The following SYCP2L variants were observed in gnomAD, a reference collection of about 807,000 sequenced individuals.
The protein encoded by SYCP2L is synaptonemal complex protein 2 like.
SYCP2L carries 98 observed loss-of-function variants against 125.8 expected under a neutral mutation model. The observed-to-expected ratio is 0.78, with a 90% CI of 0.66 to 0.92. The LOEUF (loss-of-function observed/expected upper bound fraction) is 0.92, where lower values mean the gene tolerates loss of function less well. Among genes scored for constraint, SYCP2L ranks in the 40% least tolerant of loss-of-function variants. The pLI, the probability that SYCP2L is intolerant of heterozygous loss-of-function variation, is 0.00. For synonymous variants in SYCP2L, 317 were observed against 325.4 expected (o/e 0.97, Z 0.28); for missense variants, 842 against 936.4 (o/e 0.90, Z 1.32).
chr6:10,897,110 T>C (rs950119424), intron 4 of SYCP2L, among the ~76,000 whole-genome samples: 5 of 152,304 alleles, frequency 3.3e-5, no homozygotes, highest in East Asian at 3.9e-4. Flanking sequence ...TTTTGCTTTA[T>C]TGAGGAAATA....
intron 21 of SYCP2L, among the ~76,000 whole-genome samples, chr6:10,937,405 C>T (rs1781118797): frequency 6.6e-6 from 1 of 151,880 alleles, no homozygotes; most frequent in African/African-American, 2.4e-5. Context: ...AAAATGGAAA[C>T]ATACCAAAAT....
chr6:10,888,288 G>T (rs1561676861), intron 1 of SYCP2L, among the ~76,000 whole-genome samples: 1 of 151,594 alleles, frequency 6.6e-6, no homozygotes, highest in Non-Finnish European at 1.5e-5. Flanking sequence ...GTAGAGACGG[G>T]GTTTCACCAT....
chr6:10,936,946 G>C (rs561241144), intron 21 of SYCP2L, among the ~76,000 whole-genome samples: 1 of 152,188 alleles, frequency 6.6e-6, no homozygotes. Flanking sequence ...AATGTATAAA[G>C]CAAATATTAA....
chr6:10,894,318 GA>G, intron 4 of SYCP2L, 114 bp downstream of exon 4: 1 of 1,299,722 alleles, frequency 7.7e-7, no homozygotes, highest in Non-Finnish European at 1.1e-6. Context: ...AATTTGAAAA[GA>G]AATTGATATC....
intron 6 of SYCP2L, 140 bp downstream of exon 6, chr6:10,898,988 C>A: frequency 1.6e-6 from 1 of 609,228 alleles, no homozygotes; most frequent in Non-Finnish European, 3.0e-6. Flanking sequence ...TTATGGTCAT[C>A]ATAGTGTCAT....
At chr6:10,892,064 A>C (rs955052472) in intron 2 of SYCP2L, among the ~76,000 whole-genome samples, 1 of 152,196 alleles carries the variant, frequency 6.6e-6, no homozygotes, top group East Asian at 1.9e-4. Flanking sequence ...TGGAAGATCT[A>C]CCTGAAAAAG....
At chr6:10,910,474 G>A (rs891562724) in intron 11 of SYCP2L, among the ~76,000 whole-genome samples, 4 of 152,152 alleles carry the variant, frequency 2.6e-5, no homozygotes, top group Non-Finnish European at 4.4e-5. Context: ...AGAGTTCATA[G>A]ACTTTATGAA....
rs141978624 is a variant in SYCP2L, at chr6:10,973,280, C to T, written c.*38-672C>T. Among the ~76,000 whole-genome samples the T allele has an allele frequency of 7.8e-3, 1,186 of 152,226 alleles. 19 individuals are homozygous for T. Among genetic ancestry groups the T allele is most frequent in the African/African-American group, 0.027 (1,102 of 41,530 alleles). ...GGGCATGGTGGCTCACGCCTGTAATCCCAGCACTTTAGGAAGCCGAGGTGG... is the reference window on the plus strand; with the variant it reads ...GGGCATGGTGGCTCACGCCTGTAATTCCAGCACTTTAGGAAGCCGAGGTGG... On this transcript the variant is annotated intron_variant, in intron 29 of 29. Coordinates refer to ENST00000283141, the MANE Select transcript of SYCP2L (RefSeq NM_001040274.3).
chr6:10,923,380 C>CTT (rs1226992236), intron 14 of SYCP2L, among the ~76,000 whole-genome samples: 16,947 of 92,262 alleles, frequency 0.18, 2,074 homozygotes, highest in South Asian at 0.31. Context: ...GAAACACACA[C>CTT]TTTTTTTTTT....
At chr6:10,910,102 C>T (rs142029733) in intron 10 of SYCP2L, 46 bp from the exon 11 acceptor site, 15 of 1,529,234 alleles carry the variant, frequency 9.8e-6, no homozygotes, top group Non-Finnish European at 1.4e-5. Context: ...TTAACTAAGA[C>T]ATCTTGATTT....
At chr6:10,916,256 C>G (rs938860245) in intron 14 of SYCP2L, among the ~76,000 whole-genome samples, 3 of 152,026 alleles carry the variant, frequency 2.0e-5, no homozygotes, top group African/African-American at 7.2e-5. Flanking sequence ...TTTTATTTAT[C>G]TTTTCAAAGA....
intron 23 of SYCP2L, among the ~76,000 whole-genome samples, chr6:10,952,494 A>G (rs556171317): frequency 2.6e-5 from 4 of 152,140 alleles, no homozygotes; most frequent in African/African-American, 9.6e-5. Flanking sequence ...CTGTGCTGAC[A>G]GATGCCTTGC....
chr6:10,893,859 C>G lies in SYCP2L; in HGVS notation c.79-8C>G. The G allele has an allele frequency of 6.2e-7, 1 of 1,603,148 alleles. No homozygotes were observed. The highest frequency in any genetic ancestry group is 1.1e-5 in the South Asian group (1 of 87,520). ...GAAAAAGTAATTTGCAAACTATCAT[C>G]TTTCCAGCTTCAATCACTTATTACG... On this transcript the variant is annotated splice_region_variant and splice_polypyrimidine_tract_variant and intron_variant, in intron 2 of 29. Transcript: ENST00000283141.
chr6:10,924,268 A>G (rs1780859977), intron 14 of SYCP2L, among the ~76,000 whole-genome samples: 1 of 152,224 alleles, frequency 6.6e-6, no homozygotes, highest in African/African-American at 2.4e-5. Context: ...AGTTACTTCC[A>G]ATGTTTGCAA....
chr6:10,946,363 T>C (rs781334405), intron 23 of SYCP2L, among the ~76,000 whole-genome samples: 1 of 151,890 alleles, frequency 6.6e-6, no homozygotes, highest in Non-Finnish European at 1.5e-5. Flanking sequence ...CTAAATTTAA[T>C]TTAGTGTTAA....
chr6:10,894,416 C>A (rs1267099988), intron 4 of SYCP2L, among the ~76,000 whole-genome samples: 1 of 152,178 alleles, frequency 6.6e-6, no homozygotes, highest in Non-Finnish European at 1.5e-5. Context: ...TGGGAGTGCA[C>A]AGGATCGAGT....
chr6:10,936,087 T>C (rs1781088818), intron 21 of SYCP2L, among the ~76,000 whole-genome samples: 1 of 152,130 alleles, frequency 6.6e-6, no homozygotes, highest in Non-Finnish European at 1.5e-5. Flanking sequence ...GCAGTTCACA[T>C]TGCCAGGCAT....
chr6:10,938,003 A>C (rs570185991), intron 21 of SYCP2L, among the ~76,000 whole-genome samples: 1 of 152,310 alleles, frequency 6.6e-6, no homozygotes, highest in Non-Finnish European at 1.5e-5. Context: ...ATTAATGCCA[A>C]TCCTTTTCAA....
At position 10,941,192 on chromosome 6, in the gene SYCP2L, A is replaced by G. The variant is rs1301900818; in HGVS notation, c.1814-1267A>G. On this transcript the variant is annotated intron_variant, in intron 21 of 29. Coordinates refer to ENST00000283141, the MANE Select transcript of SYCP2L (RefSeq NM_001040274.3). ...ACTTAAATGTTAGACTTAAAACCATAAAAACCCTAGAAGAAAACCTCAGCA... is the reference window on the plus strand; with the variant it reads ...ACTTAAATGTTAGACTTAAAACCATGAAAACCCTAGAAGAAAACCTCAGCA... Among the ~76,000 whole-genome samples the G allele has an allele frequency of 2.0e-5, 3 of 152,328 alleles. No individual in the cohort carries two copies. The East Asian group carries it at 5.8e-4, about 29-fold the overall frequency.
Sources: gnomAD v4.1 joint callset for allele counts (sites outside exome capture counted in the v4.1 genomes callset) on GRCh38, gnomAD v4.1.1 for gene constraint, MANE v1.5 for transcripts, NCBI Gene and HGNC (gene_info 2026-07-23, HGNC 2026-07-21) for gene names.